RHOJ: variants seen among roughly 807,000 people sequenced by gnomAD.
The protein encoded by RHOJ is ras homolog family member J.
In RHOJ, 11 loss-of-function variants were observed where a neutral mutation model predicts 23.4. The observed-to-expected ratio is 0.47, with a 90% confidence interval of 0.30 to 0.78. RHOJ has a LOEUF of 0.78. Ranked by LOEUF, RHOJ falls within the 30% of genes least tolerant of loss-of-function variation. RHOJ has a pLI of 0.08. For synonymous variants in RHOJ, 102 were observed against 102.7 expected (o/e 0.99, Z 0.04); for missense variants, 254 against 273.4 (o/e 0.93, Z 0.50).
chr14:63,283,062 T>A, intron 3 of RHOJ, 59 bp from the exon 4 acceptor site: 1 of 1,382,740 alleles, frequency 7.2e-7, no homozygotes, highest in Non-Finnish European at 1.0e-6. Context: ...TGTCACAGTT[T>A]AAAATATCTG....
At position 63,278,536 on chromosome 14, in the gene RHOJ, T is replaced by C. The variant is rs910448749; in HGVS notation, c.238-2435T>C. Among the ~76,000 whole-genome samples, 12 of 152,204 alleles carry C rather than the reference T, an allele frequency of 7.9e-5. No homozygotes were observed. The East Asian group carries it at 2.1e-3, about 27-fold the overall frequency. On this transcript the variant is annotated intron_variant, in intron 2 of 4. Transcript: ENST00000316754. ...TGGTTTGCTGCACCCATCAACCCGTTATCTAATAAATATATTATTAGAGTC... is the reference window on the plus strand; with the variant it reads ...TGGTTTGCTGCACCCATCAACCCGTCATCTAATAAATATATTATTAGAGTC...
intron 1 of RHOJ, among the ~76,000 whole-genome samples, chr14:63,253,969 T>G (rs892868281): frequency 6.6e-6 from 1 of 152,204 alleles, no homozygotes; most frequent in African/African-American, 2.4e-5. Flanking sequence ...GCAGAGTCAC[T>G]GCAGCTCTAG....
At chr14:63,245,870 G>A (rs1024618984) in intron 1 of RHOJ, among the ~76,000 whole-genome samples, 3 of 152,126 alleles carry the variant, frequency 2.0e-5, no homozygotes, top group Non-Finnish European at 2.9e-5. Flanking sequence ...AGAAGAAGGG[G>A]GTGATTAGAG....
At chr14:63,275,245 G>A (rs10138033) in intron 2 of RHOJ, among the ~76,000 whole-genome samples, 283 of 152,268 alleles carry the variant, frequency 1.9e-3, no homozygotes, top group African/African-American at 6.5e-3. Context: ...GAGCCCAGGA[G>A]TTCAAGACTC....
chr14:63,280,141 A>G (rs1881851241), intron 2 of RHOJ, among the ~76,000 whole-genome samples: 1 of 152,120 alleles, frequency 6.6e-6, no homozygotes, highest in Admixed American at 6.5e-5. Flanking sequence ...CTCCCACTTC[A>G]GCCTCCTGAG....
intron 1 of RHOJ, among the ~76,000 whole-genome samples, chr14:63,210,757 G>A (rs1022729417): frequency 2.6e-5 from 4 of 152,220 alleles, no homozygotes; most frequent in Admixed American, 2.6e-4. Flanking sequence ...AATTTAGATT[G>A]TATGTTGAGT....
chr14:63,276,835 G>A (rs1192269305), intron 2 of RHOJ, among the ~76,000 whole-genome samples: 3 of 152,158 alleles, frequency 2.0e-5, no homozygotes, highest in East Asian at 1.9e-4. Context: ...ACTCCTTTCC[G>A]ACTATTAACA....
At chr14:63,266,951 C>A (rs1398779348) in intron 1 of RHOJ, among the ~76,000 whole-genome samples, 1 of 152,106 alleles carries the variant, frequency 6.6e-6, no homozygotes, top group Admixed American at 6.5e-5. Context: ...CCAGCAGTGC[C>A]CCTGCCGCAA....
intron 4 of RHOJ, chr14:63,288,247 C>T (rs748648780): frequency 2.0e-6 from 2 of 985,306 alleles, no homozygotes; most frequent in African/African-American, 3.5e-5. Context: ...AAGGCAAAGC[C>T]TGACATGCTG....
chr14:63,285,410 T>A lies in RHOJ; in HGVS notation c.498+2194T>A, dbSNP rs75452006. 2.4e-3 allele frequency among the ~76,000 whole-genome samples: 372 copies of A among 152,316 alleles called. 1 individual carries two copies. Among genetic ancestry groups the A allele is most frequent in the Non-Finnish European group, 4.7e-3 (320 of 68,016 alleles). The stretch of plus-strand genomic sequence containing the variant: ...GAGTCCCTTATTTTCATGTGCAAAG[T>A]TCCCCCCCAACTTAAAGGCTTTGCA... On this transcript the variant is annotated intron_variant, in intron 4 of 4. Coordinates refer to ENST00000316754, the MANE Select transcript of RHOJ (RefSeq NM_020663.5).
intron 1 of RHOJ, among the ~76,000 whole-genome samples, chr14:63,240,792 A>G (rs1478490968): frequency 6.6e-6 from 1 of 152,232 alleles, no homozygotes; most frequent in Non-Finnish European, 1.5e-5. Context: ...GATTTTCCCC[A>G]TGAAATTAGG....
intron 1 of RHOJ, among the ~76,000 whole-genome samples, chr14:63,264,647 A>G (rs1394061433): frequency 1.3e-5 from 2 of 152,240 alleles, no homozygotes; most frequent in Non-Finnish European, 2.9e-5. Context: ...CTAATAGTGT[A>G]TAAGGTTTCC....
At chr14:63,220,174 A>G (rs1894457865) in intron 1 of RHOJ, among the ~76,000 whole-genome samples, 1 of 152,154 alleles carries the variant, frequency 6.6e-6, no homozygotes, top group South Asian at 2.1e-4. Context: ...TATCAAATCT[A>G]CAGAAAGATA....
At chr14:63,264,023 G>A (rs998267462) in intron 1 of RHOJ, among the ~76,000 whole-genome samples, 14 of 151,788 alleles carry the variant, frequency 9.2e-5, no homozygotes, top group Non-Finnish European at 1.9e-4. Flanking sequence ...TAGATTCAGG[G>A]AGTACATCTG....
chr14:63,255,933 G>C (rs1026514146), intron 1 of RHOJ, among the ~76,000 whole-genome samples: 4 of 151,972 alleles, frequency 2.6e-5, no homozygotes, highest in African/African-American at 9.7e-5. Flanking sequence ...CAGTGGCCCA[G>C]TAGTAGCTCA....
intron 1 of RHOJ, among the ~76,000 whole-genome samples, chr14:63,218,168 T>A (rs555981493): frequency 1.2e-4 from 18 of 152,292 alleles, no homozygotes; most frequent in African/African-American, 3.9e-4. Flanking sequence ...TTTCTTTAGA[T>A]CTAAGAATTA....
At chr14:63,250,430 G>C (rs1030671068) in intron 1 of RHOJ, among the ~76,000 whole-genome samples, 1 of 151,986 alleles carries the variant, frequency 6.6e-6, no homozygotes, top group African/African-American at 2.4e-5. Context: ...GTAGAGATAG[G>C]GTTTTGCCAT....
At chr14:63,261,941 C>T (rs1304056266) in intron 1 of RHOJ, among the ~76,000 whole-genome samples, 1 of 152,154 alleles carries the variant, frequency 6.6e-6, no homozygotes, top group African/African-American at 2.4e-5. Flanking sequence ...CTTCCTCCAA[C>T]AAAGCAGCTT....
At chr14:63,228,950 C>T (rs542142231) in intron 1 of RHOJ, among the ~76,000 whole-genome samples, 2 of 152,302 alleles carry the variant, frequency 1.3e-5, no homozygotes, top group African/African-American at 4.8e-5. Context: ...GCTCTCATAG[C>T]TCCTTCTTCT....
Sources: gnomAD v4.1 joint callset for allele counts (sites outside exome capture counted in the v4.1 genomes callset) on GRCh38, gnomAD v4.1.1 for gene constraint, MANE v1.5 for transcripts, NCBI Gene and HGNC (gene_info 2026-07-23, HGNC 2026-07-21) for gene names.